ATXN2: variants seen among roughly 807,000 people sequenced by gnomAD.
ATXN2 encodes the protein ataxin-2.
In ATXN2, 37 loss-of-function variants were observed where a neutral mutation model predicts 138.6. That is an observed-to-expected ratio of 0.27 (90% CI 0.21 to 0.35). ATXN2 has a LOEUF of 0.35. Among genes scored for constraint, ATXN2 ranks in the 10% least tolerant of loss-of-function variants. ATXN2 has a pLI of 1.00. For synonymous variants in ATXN2, 549 were observed against 543.7 expected, an observed-to-expected ratio of 1.01 and a Z score of -0.13; for missense variants, 1,216 against 1,480.3, an observed-to-expected ratio of 0.82 and a Z score of 2.93.
chr12:111,467,394 G>A (rs531509423), intron 20 of ATXN2, among the ~76,000 whole-genome samples: 3 of 138,508 alleles, frequency 2.2e-5, no homozygotes, highest in East Asian at 2.3e-4. Context: ...TGGGCTAAGC[G>A]ATCCTCCACT....
chr12:111,529,329 G>A (rs1214171200), intron 5 of ATXN2, among the ~76,000 whole-genome samples: 1 of 150,406 alleles, frequency 6.6e-6, no homozygotes, highest in Non-Finnish European at 1.5e-5. Context: ...GTAACAACAA[G>A]ATGCAAGAAT....
intron 10 of ATXN2, 139 bp from the exon 11 acceptor site, chr12:111,513,678 A>C (rs1462064809): frequency 1.5e-6 from 1 of 681,838 alleles, no homozygotes; most frequent in African/African-American, 1.9e-5. Flanking sequence ...AATAGAAAAA[A>C]AAAAAACACC....
chr12:111,564,188 A>T (rs1486702233), intron 1 of ATXN2, among the ~76,000 whole-genome samples: 1 of 152,206 alleles, frequency 6.6e-6, no homozygotes, highest in Non-Finnish European at 1.5e-5. Context: ...TCTTGGACAA[A>T]TGAAAACCTA....
chr12:111,488,094 G>A (rs1877760407), intron 15 of ATXN2, among the ~76,000 whole-genome samples: 1 of 152,172 alleles, frequency 6.6e-6, no homozygotes, highest in African/African-American at 2.4e-5. Context: ...AGCACCGCAT[G>A]CTTCTCTCCT....
intron 5 of ATXN2, among the ~76,000 whole-genome samples, chr12:111,536,165 G>A (rs548872275): frequency 6.6e-6 from 1 of 152,144 alleles, no homozygotes; most frequent in Non-Finnish European, 1.5e-5. Flanking sequence ...CAATGTCTAA[G>A]AATTTCTTTA....
chr12:111,516,381 A>G lies in ATXN2; in HGVS notation c.1166-18T>C. The G allele has an allele frequency of 6.5e-7, 1 of 1,545,422 alleles. No individual in the cohort carries two copies. Among genetic ancestry groups the G allele is most frequent in the Non-Finnish European group, 8.7e-7 (1 of 1,145,332 alleles). On this transcript the variant is annotated intron_variant, in intron 9 of 24. Coordinates refer to ENST00000673436, the MANE Select transcript of ATXN2 (RefSeq NM_001372574.1). This position sits in a 1 kb window ranked among gnomAD's most constrained non-coding sequence, Gnocchi z 5.0. The stretch of plus-strand genomic sequence containing the variant: ...GGGAACACCTGACAGAACAAATGAT[A>G]TGAAGGAAAGTATAAAAACTAAAGA...
At chr12:111,555,709 T>C (rs1882353368) in intron 2 of ATXN2, among the ~76,000 whole-genome samples, 174 bp downstream of exon 2, 1 of 146,346 alleles carries the variant, frequency 6.8e-6, no homozygotes, top group Non-Finnish European at 1.5e-5. Context: ...TAATTGTACA[T>C]TTTATACAGA....
intron 5 of ATXN2, among the ~76,000 whole-genome samples, chr12:111,528,383 A>C (rs1880622140): frequency 6.6e-6 from 1 of 152,192 alleles, no homozygotes; most frequent in Non-Finnish European, 1.5e-5. Context: ...GTATTATTCT[A>C]AACAAATTTC....
intron 1 of ATXN2, among the ~76,000 whole-genome samples, chr12:111,569,927 A>G (rs1241273176): frequency 2.0e-5 from 3 of 152,208 alleles, no homozygotes; most frequent in Non-Finnish European, 4.4e-5. Flanking sequence ...AACTTTGTAC[A>G]ATGATGAAGA....
At chr12:111,531,733 G>A (rs1489858188) in intron 5 of ATXN2, among the ~76,000 whole-genome samples, 1 of 152,188 alleles carries the variant, frequency 6.6e-6, no homozygotes, top group Non-Finnish European at 1.5e-5. Flanking sequence ...GTGGAGCCAC[G>A]CTCCTCAGGC....
Position 111,510,301 on chromosome 12 carries a change from C to T in ATXN2, c.1756+84G>A, listed in dbSNP as rs139731025. On this transcript the variant is annotated intron_variant, in intron 12 of 24. Coordinates refer to ENST00000673436, the MANE Select transcript of ATXN2 (RefSeq NM_001372574.1). ...AATACTTGTCTATGAATAAAAATAA[C>T]CTAGAATTTTTTCATATAATATCAC... 158 of 1,407,566 alleles carry T rather than the reference C, an allele frequency of 1.1e-4. No individual in the cohort carries two copies. The African/African-American group carries it at 2.2e-3, about 19-fold the overall frequency. The allele number at this position is 1,407,566 out of a possible 1,614,324, so 87.2% of individuals were successfully genotyped here. A position where few individuals can be genotyped will look rare whatever the true frequency, so the allele number is the denominator to read the frequency against.
At chr12:111,597,799 C>T in intron 1 of ATXN2, 3 of 1,204,314 alleles carry the variant, frequency 2.5e-6, no homozygotes, top group South Asian at 1.3e-5. Flanking sequence ...TCTCTCTCTC[C>T]TAGCATTTCC....
chr12:111,574,189 T>C (rs1883496590), intron 1 of ATXN2, among the ~76,000 whole-genome samples: 2 of 150,146 alleles, frequency 1.3e-5, no homozygotes. Context: ...GCACCTGTAG[T>C]CCCAGCTACT....
chr12:111,524,387 C>T (rs1034763138), intron 6 of ATXN2, among the ~76,000 whole-genome samples: 8 of 152,190 alleles, frequency 5.3e-5, no homozygotes, highest in Non-Finnish European at 4.4e-5. Context: ...CCATAACACT[C>T]ATTTTTGGCA....
chr12:111,489,935 G>A (rs7134740), intron 14 of ATXN2, among the ~76,000 whole-genome samples: 30,809 of 151,906 alleles, frequency 0.2, 3,247 homozygotes, highest in East Asian at 0.33. Context: ...GCGTGCAGTG[G>A]CTAACACCTA....
intron 1 of ATXN2, among the ~76,000 whole-genome samples, chr12:111,560,322 A>C (rs1882612382): frequency 6.6e-6 from 1 of 152,218 alleles, no homozygotes; most frequent in Non-Finnish European, 1.5e-5. Context: ...TAGAAATGAC[A>C]AAGCATACAG....
rs772322376 is a variant in ATXN2, at chr12:111,488,477, C to G, written c.2239G>C (p.Glu747Gln). Residue 747 changes from glutamate (E) to glutamine (Q), a missense_variant and splice_region_variant, in exon 15 of 25, where the codon GAG becomes CAG. By Grantham distance (29) the Glu-to-Gln change is conservative. Transcript: ENST00000673436. Reference protein sequence around the residue: ...DDKEEKKDAAEQVRKSTLNPN... With the variant: ...DDKEEKKDAAQQVRKSTLNPN... ...GGTCTAAGTTCCAGGTTTACTCACT[C>G]AGCTGCGTCTTTCTTCTCTTCCTTA... is the stretch of plus-strand genomic sequence containing the variant. 1 of 1,606,116 alleles carries G rather than the reference C, an allele frequency of 6.2e-7. No homozygotes were observed. The highest frequency in any genetic ancestry group is 1.1e-5 in the South Asian group (1 of 90,128).
At chr12:111,549,064 G>A (rs1328592933) in intron 5 of ATXN2, among the ~76,000 whole-genome samples, 1 of 151,808 alleles carries the variant, frequency 6.6e-6, no homozygotes, top group African/African-American at 2.4e-5. Context: ...GCCACTCCTG[G>A]GATCTCATCA....
intron 1 of ATXN2, among the ~76,000 whole-genome samples, chr12:111,582,038 A>G (rs995476747): frequency 2.0e-5 from 3 of 152,092 alleles, no homozygotes; most frequent in Non-Finnish European, 2.9e-5. Context: ...AGAACAGAAC[A>G]TAAGAAGAAT....
Sources: gnomAD v4.1 joint callset for allele counts (sites outside exome capture counted in the v4.1 genomes callset) on GRCh38, gnomAD v4.1.1 for gene constraint, Gnocchi (gnomAD v3.1) non-coding constraint, MANE v1.5 for transcripts, NCBI Gene and HGNC (gene_info 2026-07-23, HGNC 2026-07-21) for gene names.